The following ARGLU1 variants were observed in gnomAD, a reference collection of about 807,000 sequenced individuals.
ARGLU1 encodes arginine and glutamate-rich protein 1.
In ARGLU1, 9 loss-of-function variants were observed where a neutral mutation model predicts 37.6. The observed-to-expected ratio is 0.24, with a 90% confidence interval of 0.14 to 0.42. ARGLU1 has a LOEUF of 0.42. ARGLU1 is among the 10% of genes least tolerant of loss of function. The pLI, the probability that ARGLU1 is intolerant of heterozygous loss-of-function variation, is 1.00. For synonymous variants in ARGLU1, 166 were observed against 138.5 expected (o/e 1.20, Z -1.39); for missense variants, 211 against 359.2 (o/e 0.59, Z 3.34).
rs1453390818 is a variant in ARGLU1 at position 106,567,117 on chromosome 13, T to C, written c.347+456A>G. ...GTCCCAAATTTGAGCTTCAATAGAA[T>C]GCTTCTGGCCAGCTGTGATTCGCAT... is the stretch of plus-strand genomic sequence containing the variant. On this transcript the variant is annotated intron_variant, in intron 1 of 3. Transcript: ENST00000400198. This position sits in a 1 kb window ranked among gnomAD's most constrained non-coding sequence, Gnocchi z 4.3. Among the ~76,000 whole-genome samples, 3 of 152,096 alleles carry C rather than the reference T, an allele frequency of 2.0e-5. No individual in the cohort carries two copies. Among genetic ancestry groups the C allele is most frequent in the Non-Finnish European group, 4.4e-5 (3 of 68,012 alleles).
At position 106,557,241 on chromosome 13, in the gene ARGLU1, T is replaced by A; in HGVS notation, c.574-110A>T. 5.4e-6 allele frequency: 5 copies of A among 926,212 alleles called. No homozygotes were observed. The highest frequency in any genetic ancestry group is 8.2e-6 in the Non-Finnish European group (5 of 606,926). The allele number at this position is 926,212 out of a possible 1,614,324, so 57.4% of individuals were successfully genotyped here. A position where few individuals can be genotyped will look rare whatever the true frequency, so the allele number is the denominator to read the frequency against. ...TTTTGATATGACTTACAGGGTAGCT[T>A]TATAGCTACCTTCTGTCTGACAAAT... On this transcript the variant is annotated intron_variant, in intron 2 of 3. Coordinates refer to ENST00000400198, the MANE Select transcript of ARGLU1 (RefSeq NM_018011.4). The surrounding 1 kb of genome is among the most constrained non-coding windows in gnomAD (Gnocchi z 5.0).
chr13:106,547,351 T>C (rs531962518), intron 3 of ARGLU1, among the ~76,000 whole-genome samples: 2 of 152,348 alleles, frequency 1.3e-5, no homozygotes, highest in African/African-American at 4.8e-5. Context: ...GAATTTACAT[T>C]ATGTACTTGT....
chr13:106,549,684 CTA>C (rs1398849670), intron 3 of ARGLU1, among the ~76,000 whole-genome samples: 7 of 152,198 alleles, frequency 4.6e-5, no homozygotes, highest in Non-Finnish European at 1.0e-4. Flanking sequence ...CTATCACCAC[CTA>C]CTCCCTTTAC....
chr13:106,551,882 AG>A (rs1434220518), intron 3 of ARGLU1, among the ~76,000 whole-genome samples: 1 of 152,162 alleles, frequency 6.6e-6, no homozygotes, highest in African/African-American at 2.4e-5. Context: ...TGCCTCTCTA[AG>A]AAAACATGTG....
At chr13:106,561,416 A>G (rs559077133) in intron 1 of ARGLU1, among the ~76,000 whole-genome samples, 1 of 129,056 alleles carries the variant, frequency 7.7e-6, no homozygotes, top group South Asian at 2.7e-4. Context: ...ATTTCTCATA[A>G]TAAAGTGTAC....
chr13:106,555,375 A>G (rs1434306402), intron 3 of ARGLU1, among the ~76,000 whole-genome samples: 1 of 152,112 alleles, frequency 6.6e-6, no homozygotes, highest in Admixed American at 6.5e-5. Context: ...AACAAAACAA[A>G]GCAAGAATAG....
In ARGLU1 at chr13:106,544,152, T is replaced by G; in HGVS notation, c.666A>C (p.Glu222Asp). 1.3e-6 allele frequency: 2 copies of G among 1,559,058 alleles called. No homozygotes were observed. Among genetic ancestry groups the G allele is most frequent in the Non-Finnish European group, 1.7e-6 (2 of 1,161,828 alleles). The change falls in exon 4 of 4, where the codon GAA becomes GAC. Residue 222 changes from glutamate to aspartate, a missense_variant. Physicochemically the swap from Glu to Asp is conservative, Grantham distance 45. This residue lies in a region of ARGLU1 where 80 missense variants were observed against 158.4 expected (regional missense o/e 0.51). Transcript: ENST00000400198. ...TTTGTTCTTCAACAATTCTCAACTG[T>G]TCTTCGGCCTGAAAGTTAAAAGTAA... is the stretch of plus-strand genomic sequence containing the variant. ...IAEAQAKLAE[E>D]QLRIVEEQRK... is the part of the protein sequence containing the mutation.
At chr13:106,561,817 A>T (rs1880809695) in intron 1 of ARGLU1, 1 of 152,208 alleles carries the variant, frequency 6.6e-6, no homozygotes, top group African/African-American at 2.4e-5. Flanking sequence ...AAATGAGCCA[A>T]ATAAATTTAC....
chr13:106,550,687 A>G (rs1709451389), intron 3 of ARGLU1, among the ~76,000 whole-genome samples: 1 of 152,228 alleles, frequency 6.6e-6, no homozygotes, highest in Non-Finnish European at 1.5e-5. Flanking sequence ...TCACTGGAAC[A>G]AAAATCAAAA....
Position 106,543,877 on chromosome 13 carries a change from C to CA in ARGLU1, c.*118_*119insT, listed in dbSNP as rs1472490071. On this transcript the variant is annotated 3_prime_UTR_variant, in exon 4 of 4. Transcript: ENST00000400198. ...AGAGCATAGCCCCTATTAGAACAAG[C>CA]TAACTTTCCAGATTTTACAAATTAA... is the stretch of plus-strand genomic sequence containing the variant. The CA allele has an allele frequency of 3.0e-6, 3 of 985,812 alleles. No individual in the cohort carries two copies. The Admixed American group carries it at 1.0e-4, about 34-fold the overall frequency. The allele number at this position is 985,812 out of a possible 1,614,324, so 61.1% of individuals were successfully genotyped here.
At chr13:106,558,062 A>C (rs570381984) in intron 2 of ARGLU1, 1 of 985,418 alleles carries the variant, frequency 1.0e-6, no homozygotes, top group East Asian at 1.1e-4. Context: ...TTCAGATCAC[A>C]GCATACATAT....
At chr13:106,556,543 T>C (rs1259560718) in intron 3 of ARGLU1, among the ~76,000 whole-genome samples, 1 of 135,642 alleles carries the variant, frequency 7.4e-6, no homozygotes, top group Non-Finnish European at 1.6e-5. Flanking sequence ...ACAACTTGCT[T>C]TCCCCCACCC....
At position 106,558,002 on chromosome 13, in the gene ARGLU1, A is replaced by G. The variant is rs1393976391; in HGVS notation, c.574-871T>C. ...TTATTTTTTCTTGGAGAATTTAATG[A>G]GATTTTATAATGCAAACTGTATGAA... On this transcript the variant is annotated intron_variant, in intron 2 of 3. Transcript: ENST00000400198. 1.1e-5 allele frequency: 11 copies of G among 985,278 alleles called. No individual in the cohort carries two copies. The Admixed American group carries it at 1.8e-4, about 17-fold the overall frequency. 61.0% of individuals were successfully genotyped at this position (985,278 alleles called of 1,614,324 possible). A position where few individuals can be genotyped will look rare whatever the true frequency, so the allele number is the denominator to read the frequency against.
intron 3 of ARGLU1, among the ~76,000 whole-genome samples, chr13:106,547,472 C>G (rs189052032): frequency 2.6e-5 from 4 of 152,014 alleles, no homozygotes; most frequent in Admixed American, 2.6e-4. Flanking sequence ...AAATATCCAC[C>G]AATATGGGGT....
chr13:106,548,208 C>A (rs913523652), intron 3 of ARGLU1, among the ~76,000 whole-genome samples: 4 of 152,124 alleles, frequency 2.6e-5, no homozygotes, highest in Non-Finnish European at 5.9e-5. Flanking sequence ...ACACTAACAA[C>A]CGTCATCTCT....
At chr13:106,553,765 T>G (rs957582154) in intron 3 of ARGLU1, among the ~76,000 whole-genome samples, 12 of 152,372 alleles carry the variant, frequency 7.9e-5, no homozygotes, top group African/African-American at 2.4e-4. Flanking sequence ...TCTTCTTTAC[T>G]GATCTGTAAC....
intron 1 of ARGLU1, among the ~76,000 whole-genome samples, chr13:106,565,616 T>C (rs1566476396): frequency 2.0e-5 from 3 of 152,258 alleles, no homozygotes. Context: ...ACAGGATATG[T>C]AGACTGCAAA....
chr13:106,562,634 C>T (rs138181610), intron 1 of ARGLU1, among the ~76,000 whole-genome samples: 93 of 152,176 alleles, frequency 6.1e-4, no homozygotes, highest in African/African-American at 2.1e-3. Flanking sequence ...TCAAGATCTT[C>T]AAGGTTTTCA....
At chr13:106,547,675 T>C (rs539991237) in intron 3 of ARGLU1, among the ~76,000 whole-genome samples, 2 of 152,318 alleles carry the variant, frequency 1.3e-5, no homozygotes, top group East Asian at 1.9e-4. Flanking sequence ...ATATTATGCA[T>C]TTGTATCTGC....
Sources: gnomAD v4.1 joint callset for allele counts (sites outside exome capture counted in the v4.1 genomes callset) on GRCh38, gnomAD v4.1.1 for gene constraint, gnomAD v4.1.1 regional missense constraint, Gnocchi (gnomAD v3.1) non-coding constraint, MANE v1.5 for transcripts, NCBI Gene and HGNC (gene_info 2026-07-23, HGNC 2026-07-21) for gene names.